The following KLHL22 variants were observed in gnomAD, a reference collection of about 807,000 sequenced individuals.
KLHL22 encodes kelch like family member 22, also known as kelch-like protein 22.
In KLHL22, 18 loss-of-function variants were observed where a neutral mutation model predicts 60.7. That is an observed-to-expected ratio of 0.30 (90% CI 0.20 to 0.44). The LOEUF (loss-of-function observed/expected upper bound fraction) is 0.44. Ranked by LOEUF, KLHL22 falls within the 20% of genes least tolerant of loss-of-function variation. KLHL22 has a pLI of 1.00. For synonymous variants in KLHL22, 355 were observed against 354.5 expected (o/e 1.00, Z -0.01); for missense variants, 596 against 852.3 (o/e 0.70, Z 3.74).
At chr22:20,483,634 C>A (rs1015403792) in intron 2 of KLHL22, 15 of 725,624 alleles carry the variant, frequency 2.1e-5, no homozygotes, top group South Asian at 1.6e-4. Flanking sequence ...AGCAGCAAGA[C>A]GGGCATTGTC....
At chr22:20,488,868 G>T in intron 2 of KLHL22, 117 bp downstream of exon 2, 1 of 907,636 alleles carries the variant, frequency 1.1e-6, no homozygotes, top group Non-Finnish European at 1.7e-6. Context: ...TAGCCACAAG[G>T]AGTAGGGGAG....
At chr22:20,442,465 C>T (rs1230241163) in intron 6 of KLHL22, 27 bp from the exon 7 acceptor site, 2 of 1,537,344 alleles carry the variant, frequency 1.3e-6, no homozygotes, top group Non-Finnish European at 1.8e-6. Flanking sequence ...AGAATAAAGC[C>T]CAGCACCCAC....
rs779640989 is a variant in KLHL22 at position 20,465,159 on chromosome 22, C to T, written c.811G>A (p.Ala271Thr). 4 of 1,613,840 alleles carry T rather than the reference C, an allele frequency of 2.5e-6. No individual in the cohort carries two copies. In the South Asian group the frequency reaches 4.4e-5, roughly 18 times the overall value. The change falls in exon 4 of 7, where the codon GCC (alanine) becomes ACC (threonine). Residue 271 changes from alanine to threonine, a missense_variant. Transcript: ENST00000328879. This position sits in a 1 kb window ranked among gnomAD's most constrained non-coding sequence, Gnocchi z 4.9. ...LDPSPLRDTVASALMYHRNES... is the reference protein window; with the variant it reads ...LDPSPLRDTVTSALMYHRNES... ...TTCCGGTGGTACATGAGGGCGCTGG[C>T]CACTGTGTCCCTCAAAGGGCTGGGG...
At chr22:20,474,293 C>T (rs1601366594) in intron 2 of KLHL22, among the ~76,000 whole-genome samples, 1 of 152,226 alleles carries the variant, frequency 6.6e-6, no homozygotes, top group East Asian at 1.9e-4. Flanking sequence ...GCCACTGCAC[C>T]CAGCCCGGTT....
chr22:20,486,688 T>C (rs1013802109), intron 2 of KLHL22, among the ~76,000 whole-genome samples: 3 of 151,910 alleles, frequency 2.0e-5, no homozygotes, highest in Admixed American at 6.6e-5. Flanking sequence ...CTTTTCTTTT[T>C]TTTTTTTTTT....
intron 5 of KLHL22, 91 bp downstream of exon 5, chr22:20,457,717 G>T: frequency 1.0e-6 from 1 of 972,876 alleles, no homozygotes; most frequent in Non-Finnish European, 1.5e-6. Context: ...TCTGACCTGG[G>T]ACAGGCCTTG....
intron 3 of KLHL22, among the ~76,000 whole-genome samples, chr22:20,466,113 T>C (rs566857502): frequency 1.1e-4 from 16 of 152,198 alleles, no homozygotes; most frequent in Admixed American, 3.9e-4. Flanking sequence ...CGGTGGCTCA[T>C]GCCTATAATC....
chr22:20,486,166 CAAAAA>C (rs200248872), intron 2 of KLHL22, among the ~76,000 whole-genome samples: 3 of 82,608 alleles, frequency 3.6e-5, no homozygotes, highest in African/African-American at 4.5e-5. Context: ...GATTCCGTCT[CAAAAA>C]AAAAAAAAAA....
At chr22:20,485,322 G>A (rs1301027005) in intron 2 of KLHL22, among the ~76,000 whole-genome samples, 3 of 152,178 alleles carry the variant, frequency 2.0e-5, no homozygotes, top group Admixed American at 1.3e-4. Flanking sequence ...GCCAAAGTAA[G>A]TGTGCAATGA....
At position 20,474,486 on chromosome 22, in the gene KLHL22, G is replaced by T. The variant is rs546365652; in HGVS notation, c.228-2971C>A. 2.6e-5 allele frequency among the ~76,000 whole-genome samples: 4 copies of T among 152,124 alleles called. No individual in the cohort carries two copies. In the East Asian group the frequency reaches 7.7e-4, roughly 29 times the overall value. ...GGCTCACTGCAACCTCCGCCTCCCGGGTTCAAGCAATTCTCCAAACTCAGC... is the reference window on the plus strand; with the variant it reads ...GGCTCACTGCAACCTCCGCCTCCCGTGTTCAAGCAATTCTCCAAACTCAGC... On this transcript the variant is annotated intron_variant, in intron 2 of 6. Transcript: ENST00000328879.
chr22:20,479,821 G>A (rs1430331369), intron 2 of KLHL22, among the ~76,000 whole-genome samples: 2 of 152,196 alleles, frequency 1.3e-5, no homozygotes, highest in Non-Finnish European at 2.9e-5. Context: ...TCAGAAAATT[G>A]TCAATAGAAT....
intron 1 of KLHL22, among the ~76,000 whole-genome samples, chr22:20,490,694 G>C (rs1274662408): frequency 6.6e-6 from 1 of 152,200 alleles, no homozygotes. Context: ...TCAGGCATTA[G>C]CTAGATTCTC....
intron 2 of KLHL22, among the ~76,000 whole-genome samples, chr22:20,480,279 A>G (rs1299994256): frequency 6.6e-6 from 1 of 152,208 alleles, no homozygotes; most frequent in Non-Finnish European, 1.5e-5. Context: ...TCTGTTTCGT[A>G]ATAATGTGAA....
chr22:20,478,567 T>C (rs2053450345), intron 2 of KLHL22, among the ~76,000 whole-genome samples: 1 of 131,144 alleles, frequency 7.6e-6, no homozygotes, highest in East Asian at 2.3e-4. Context: ...CAGGCTGGAG[T>C]GCAGTGGCAT....
At chr22:20,448,711 C>T (rs892277635) in intron 5 of KLHL22, among the ~76,000 whole-genome samples, 1 of 151,846 alleles carries the variant, frequency 6.6e-6, no homozygotes, top group African/African-American at 2.4e-5. Context: ...ATTACAGGCA[C>T]GCATCACCAT....
At chr22:20,484,696 C>T (rs892395725) in intron 2 of KLHL22, among the ~76,000 whole-genome samples, 2 of 149,750 alleles carry the variant, frequency 1.3e-5, no homozygotes, top group African/African-American at 2.5e-5. Context: ...CCTTGCAAAA[C>T]GCTGGGATTA....
intron 1 of KLHL22, among the ~76,000 whole-genome samples, chr22:20,494,307 G>T (rs2146299437): frequency 6.6e-6 from 1 of 152,254 alleles, no homozygotes; most frequent in African/African-American, 2.4e-5. Context: ...AAGCTCCCAG[G>T]TTCAAGTGAT....
At chr22:20,490,408 G>A (rs2053665701) in intron 1 of KLHL22, among the ~76,000 whole-genome samples, 2 of 152,094 alleles carry the variant, frequency 1.3e-5, no homozygotes. Context: ...CTACATACTT[G>A]TACAGCATGT....
intron 5 of KLHL22, chr22:20,450,430 G>C: frequency 6.5e-7 from 1 of 1,547,762 alleles, no homozygotes; most frequent in South Asian, 1.1e-5. Context: ...GAATGTACAG[G>C]AACTGCTTCC....
Sources: gnomAD v4.1 joint callset for allele counts (sites outside exome capture counted in the v4.1 genomes callset) on GRCh38, gnomAD v4.1.1 for gene constraint, Gnocchi (gnomAD v3.1) non-coding constraint, MANE v1.5 for transcripts, NCBI Gene and HGNC (gene_info 2026-07-23, HGNC 2026-07-21) for gene names.